RIF1: variants seen among roughly 807,000 people sequenced by gnomAD.
The protein encoded by RIF1 is replication timing regulatory factor 1, also known as telomere-associated protein RIF1.
RIF1 carries 45 observed loss-of-function variants against 247.1 expected under a neutral mutation model. The ratio of observed to expected loss-of-function variants is 0.18; its 90% CI spans 0.14 to 0.23. RIF1 has a LOEUF of 0.23. Ranked by LOEUF, RIF1 falls within the 10% of genes least tolerant of loss-of-function variation. The pLI is 1.00. For missense variants in RIF1, 2,967 were observed against 2,862.5 expected (o/e 1.04, Z -0.83); for synonymous variants, 1,087 against 978.8 (o/e 1.11, Z -2.06).
In RIF1 at chr2:151,474,027, A is replaced by G; in HGVS notation, c.7159A>G (p.Ile2387Val). 1 of 1,590,528 alleles carries G rather than the reference A, an allele frequency of 6.3e-7. No individual in the cohort carries two copies. The highest frequency in any genetic ancestry group is 8.6e-7 in the Non-Finnish European group (1 of 1,160,412). ...FDISEKTVNG[I>V]ENKSLSPDEE... is the part of the protein sequence containing the mutation. ...TATTTCTGAAAAAACAGTAAATGGAATAGAAAATAAATCTTTGTCACCTGA... is the reference window on the plus strand; with the variant it reads ...TATTTCTGAAAAAACAGTAAATGGAGTAGAAAATAAATCTTTGTCACCTGA... Residue 2387 changes from isoleucine to valine, a missense_variant, in exon 35 of 36, where the codon ATA becomes GTA. Coordinates refer to ENST00000444746, the MANE Select transcript of RIF1 (RefSeq NM_018151.5).
the RIF1 span, among the ~76,000 whole-genome samples, chr2:151,513,079 G>C: frequency 9.9e-5 from 15 of 152,204 alleles, no homozygotes; most frequent in African/African-American, 3.6e-4. Context: ...ATATGGGTAA[G>C]GAGGGATCAT....
intron 30 of RIF1, among the ~76,000 whole-genome samples, chr2:151,466,560 C>T (rs1696924615): frequency 6.6e-6 from 1 of 151,392 alleles, no homozygotes; most frequent in Non-Finnish European, 1.5e-5. Flanking sequence ...AAAAAAAAAA[C>T]TCATGTGCCT....
intron 20 of RIF1, among the ~76,000 whole-genome samples, chr2:151,449,546 G>A (rs1010491058): frequency 5.3e-5 from 8 of 151,970 alleles, no homozygotes; most frequent in Non-Finnish European, 1.2e-4. Flanking sequence ...CCACCTCCTG[G>A]GTTCAAGCAG....
intron 21 of RIF1, among the ~76,000 whole-genome samples, chr2:151,452,552 T>G (rs1201853205): frequency 6.6e-6 from 1 of 152,228 alleles, no homozygotes; most frequent in Admixed American, 6.5e-5. Context: ...TGGAGTAACA[T>G]GTTAAGCTCC....
chr2:151,418,857 A>G (rs749105445), intron 6 of RIF1, among the ~76,000 whole-genome samples: 2 of 152,062 alleles, frequency 1.3e-5, no homozygotes, highest in Non-Finnish European at 2.9e-5. Flanking sequence ...CTTGGGTGAC[A>G]GAGTGAGACT....
chr2:151,455,279 A>T (rs1481822914), intron 22 of RIF1, 120 bp downstream of exon 22: 1 of 632,966 alleles, frequency 1.6e-6, no homozygotes, highest in Non-Finnish European at 2.6e-6. Context: ...TGTGGAGAGG[A>T]TAATAAACTA....
chr2:151,410,173 C>A, intron 1 of RIF1, 140 bp downstream of exon 1: 1 of 648,218 alleles, frequency 1.5e-6, no homozygotes, highest in Non-Finnish European at 2.8e-6. Context: ...TGAAAGCTGC[C>A]CGGGAAAGTG....
At chr2:151,506,100 C>T in intron 12 of RIF1, 1 of 1,353,610 alleles carries the variant, frequency 7.4e-7, no homozygotes, top group Non-Finnish European at 1.1e-6. Flanking sequence ...GAGTGCAACT[C>T]ATAGGTCATT....
intron 9 of RIF1, chr2:151,490,578 C>CT: frequency 6.4e-7 from 1 of 1,554,732 alleles, no homozygotes. Flanking sequence ...GTAGTAATGC[C>CT]TAACAGTGAT....
downstream of RIF1, among the ~76,000 whole-genome samples, chr2:151,510,587 A>G (rs936412360): frequency 6.6e-6 from 1 of 152,066 alleles, no homozygotes; most frequent in Non-Finnish European, 1.5e-5. Context: ...ATTCTGAGGG[A>G]GAGAGAGAGA....
chr2:151,491,963 A>G (rs1277594712), intron 9 of RIF1: 5 of 1,070,090 alleles, frequency 4.7e-6, no homozygotes, highest in African/African-American at 3.2e-5. Flanking sequence ...ACTATGAGAT[A>G]ATAGGAGCTT....
At chr2:151,510,214 A>G (rs1023670066), downstream of RIF1, among the ~76,000 whole-genome samples, 2 of 152,190 alleles carry the variant, frequency 1.3e-5, no homozygotes, top group Non-Finnish European at 2.9e-5. Context: ...CAGACCCCCA[A>G]TAAACTTGTT....
intron 12 of RIF1, chr2:151,506,188 T>C: frequency 6.2e-7 from 1 of 1,613,340 alleles, no homozygotes; most frequent in African/African-American, 1.3e-5. Context: ...GTCCTGTGTT[T>C]GTTTCACTCT....
At chr2:151,491,773 A>C in intron 9 of RIF1, 8 of 1,582,258 alleles carry the variant, frequency 5.1e-6, no homozygotes, top group Non-Finnish European at 6.9e-6. Context: ...CAGACACGTA[A>C]ACCTGAAAGG....
intron 12 of RIF1, chr2:151,503,361 C>G: frequency 1.2e-6 from 2 of 1,610,342 alleles, no homozygotes; most frequent in Non-Finnish European, 1.7e-6. Flanking sequence ...AGCTAAAGTT[C>G]TCTTGATTGC....
chr2:151,532,660 T>C, the RIF1 span, among the ~76,000 whole-genome samples: 6 of 151,862 alleles, frequency 4.0e-5, no homozygotes, highest in Admixed American at 1.3e-4. Flanking sequence ...AAGCTCTTAA[T>C]TGGAGCTTAA....
At chr2:151,419,779 G>A (rs1386239164) in intron 6 of RIF1, among the ~76,000 whole-genome samples, 3 of 152,210 alleles carry the variant, frequency 2.0e-5, no homozygotes, top group Non-Finnish European at 4.4e-5. Context: ...CAGCTATGAT[G>A]TCACTAGGTG....
chr2:151,464,222 A>G lies in RIF1; in HGVS notation c.4702A>G (p.Arg1568Gly). The G allele has an allele frequency of 6.2e-7, 1 of 1,613,754 alleles. No homozygotes were observed. Among genetic ancestry groups the G allele is most frequent in the Non-Finnish European group, 8.5e-7 (1 of 1,179,944 alleles). The change falls in exon 30 of 36, where the codon AGA becomes GGA. Residue 1568 changes from arginine to glycine, a missense_variant. This residue lies in a region of RIF1 where 2,028 missense variants were observed against 1,825.6 expected (regional missense o/e 1.11). Transcript: ENST00000444746. ...EAKEEGSRKK[R>G]SGKWKNKSNE... ...AAAAGAAGAAGGTTCTAGGAAGAAG[A>G]GATCTGGAAAATGGAAAAACAAAAG...
chr2:151,494,104 CA>C (rs2058547225), intron 9 of RIF1: 1 of 1,427,902 alleles, frequency 7.0e-7, no homozygotes, highest in African/African-American at 1.4e-5. Context: ...AGGAGCAGGC[CA>C]AACTGCAAGA....
Sources: allele counts gnomAD v4.1 joint callset (sites outside exome capture counted in the v4.1 genomes callset), GRCh38; gene constraint gnomAD v4.1.1; regional missense constraint gnomAD v4.1.1; transcripts MANE v1.5; gene names NCBI Gene and HGNC (gene_info 2026-07-23, HGNC 2026-07-21).